ZNF529: variants seen among roughly 807,000 people sequenced by gnomAD.
ZNF529 encodes zinc finger protein 529.
A neutral mutation model predicts 10.1 loss-of-function variants in ZNF529; 11 were observed. The observed-to-expected ratio is 1.09, with a 90% confidence interval of 0.69 to 1.81. The LOEUF (loss-of-function observed/expected upper bound fraction) is 1.81. Among genes scored for constraint, ZNF529 ranks in the 40% most tolerant of loss-of-function variants. The probability of loss-of-function intolerance (pLI) is 0.00; values close to 1 mark genes in which losing one functional copy is unlikely to be tolerated. For missense variants in ZNF529, 624 were observed against 666.8 expected (o/e 0.94, Z 0.71); for synonymous variants, 204 against 215.7 (o/e 0.95, Z 0.47).
chr19:36,559,239 A>C (rs2035589578), intron 2 of ZNF529, among the ~76,000 whole-genome samples: 1 of 152,218 alleles, frequency 6.6e-6, no homozygotes, highest in African/African-American at 2.4e-5. Flanking sequence ...CAAAAACTTA[A>C]AAATAGGACA....
intron 2 of ZNF529, among the ~76,000 whole-genome samples, chr19:36,570,200 A>G (rs760062483): frequency 2.6e-5 from 4 of 151,954 alleles, no homozygotes; most frequent in Non-Finnish European, 5.9e-5. Flanking sequence ...ATCTATACAA[A>G]TAATACAAAA....
chr19:36,571,546 G>A (rs2036108660), intron 2 of ZNF529, among the ~76,000 whole-genome samples: 1 of 151,682 alleles, frequency 6.6e-6, no homozygotes, highest in Admixed American at 6.6e-5. Flanking sequence ...ATGGTGGCGG[G>A]CGCCTGTAAT....
rs187463934 is a variant in ZNF529 at position 36,553,382 on chromosome 19, C to T, written c.235+1288G>A. Among the ~76,000 whole-genome samples the T allele has an allele frequency of 1.9e-3, 296 of 152,106 alleles. 3 individuals are homozygous for T. The highest frequency in any genetic ancestry group is 6.9e-4 in the Non-Finnish European group (47 of 68,000). On this transcript the variant is annotated intron_variant, in intron 4 of 4. Transcript: ENST00000591340. ...GAACTCCTGAGCTCAGGCAATCCACCCACCACCTCGGCCTCCCAAAGTGCT... is the reference window on the plus strand; with the variant it reads ...GAACTCCTGAGCTCAGGCAATCCACTCACCACCTCGGCCTCCCAAAGTGCT...
chr19:36,576,720 A>G (rs1261768221), upstream of ZNF529, among the ~76,000 whole-genome samples: 3 of 150,016 alleles, frequency 2.0e-5, no homozygotes, highest in African/African-American at 7.4e-5. Context: ...CCGTCTCAAA[A>G]TAATAATAAT....
chr19:36,558,713 A>G (rs548888539), intron 2 of ZNF529, among the ~76,000 whole-genome samples: 6 of 152,274 alleles, frequency 3.9e-5, no homozygotes, highest in Admixed American at 3.3e-4. Flanking sequence ...AGCTCTTGAC[A>G]TTGGTCTTGC....
rs545026468 is a variant in ZNF529 at position 36,549,471 on chromosome 19, A to T, written c.236-1149T>A. On this transcript the variant is annotated intron_variant, in intron 4 of 4. Coordinates refer to ENST00000591340, the MANE Select transcript of ZNF529 (RefSeq NM_020951.5). Reference sequence around the variant, plus strand: ...GATAAGTCACTAGAAAACAATAATTATCAAAATAATTATGTAACTATAAGA... The same window carrying T: ...GATAAGTCACTAGAAAACAATAATTTTCAAAATAATTATGTAACTATAAGA... 1.6e-3 allele frequency among the ~76,000 whole-genome samples: 251 copies of T among 152,358 alleles called. 1 individual carries two copies. The highest frequency in any genetic ancestry group is 2.8e-3 in the Non-Finnish European group (189 of 68,026).
At chr19:36,597,857 T>C (rs1568621351) in intron 1 of ZNF529, among the ~76,000 whole-genome samples, 1 of 152,102 alleles carries the variant, frequency 6.6e-6, no homozygotes. Flanking sequence ...TAGGTAGATA[T>C]TAAAAGGAGA....
chr19:36,562,315 A>G lies in ZNF529; in HGVS notation c.15-6118T>C, dbSNP rs550295089. Among the ~76,000 whole-genome samples, 38 of 152,306 alleles carry G rather than the reference A, an allele frequency of 2.5e-4. No individual in the cohort carries two copies. The South Asian group carries it at 5.2e-3, about 21-fold the overall frequency. ...TTTCACAGGTACAGGACTAGAGAGC[A>G]ATTTGCCTCAGGATGAATCACATGA... On this transcript the variant is annotated intron_variant, in intron 2 of 4. Coordinates refer to ENST00000591340, the MANE Select transcript of ZNF529 (RefSeq NM_020951.5).
intron 1 of ZNF529, among the ~76,000 whole-genome samples, chr19:36,595,178 C>G (rs1452615664): frequency 1.3e-5 from 2 of 152,032 alleles, no homozygotes; most frequent in Non-Finnish European, 2.9e-5. Flanking sequence ...TGCCCGGCCT[C>G]CTATTTCTCA....
chr19:36,593,249 C>T (rs1398459551), intron 1 of ZNF529, among the ~76,000 whole-genome samples: 7 of 152,156 alleles, frequency 4.6e-5, no homozygotes, highest in African/African-American at 1.7e-4. Flanking sequence ...GATCACCGCT[C>T]ACTGCACCCT....
At position 36,548,282 on chromosome 19, in the gene ZNF529, TCC is replaced by T; in HGVS notation, c.274_275del (p.Gly92LysfsTer17). On this transcript the variant is annotated frameshift_variant, in exon 5 of 5. Coordinates refer to ENST00000591340, the MANE Select transcript of ZNF529 (RefSeq NM_020951.5). LOFTEE classifies it low-confidence loss of function (END_TRUNC). ...SRNETKHLSV[G>X]KDIIQNTGSQ... ...AACCAGTGTTTTGAATAATATCTTTTCCTACAGATAAATGCTTAGTCTCATTC... is the reference window on the plus strand; with the variant it reads ...AACCAGTGTTTTGAATAATATCTTTTTACAGATAAATGCTTAGTCTCATTC... 3.7e-6 allele frequency: 6 copies of T among 1,605,902 alleles called. No individual in the cohort carries two copies. The highest frequency in any genetic ancestry group is 5.1e-6 in the Non-Finnish European group (6 of 1,175,500).
upstream of ZNF529, among the ~76,000 whole-genome samples, chr19:36,575,843 T>C (rs1310753855): frequency 6.6e-6 from 1 of 152,000 alleles, no homozygotes; most frequent in Non-Finnish European, 1.5e-5. Flanking sequence ...GTTTTTTTTT[T>C]GTTTTGTTTT....
intron 2 of ZNF529, among the ~76,000 whole-genome samples, chr19:36,588,749 C>A (rs1190074689): frequency 6.6e-6 from 1 of 152,120 alleles, no homozygotes; most frequent in Non-Finnish European, 1.5e-5. Flanking sequence ...AGAAGAGAAA[C>A]TTTCTCTGAA....
intron 2 of ZNF529, among the ~76,000 whole-genome samples, chr19:36,557,560 C>A (rs1023823991): frequency 1.3e-5 from 2 of 152,162 alleles, no homozygotes; most frequent in South Asian, 2.1e-4. Flanking sequence ...GGGAAACCAC[C>A]CCCATGATTC....
chr19:36,600,292 G>A (rs2036903327), intron 1 of ZNF529, among the ~76,000 whole-genome samples: 1 of 152,068 alleles, frequency 6.6e-6, no homozygotes, highest in Non-Finnish European at 1.5e-5. Flanking sequence ...ATACTGTTTG[G>A]GCCACAGTGG....
chr19:36,592,842 A>C (rs1032239137), intron 1 of ZNF529, among the ~76,000 whole-genome samples: 1 of 152,148 alleles, frequency 6.6e-6, no homozygotes, highest in Non-Finnish European at 1.5e-5. Context: ...TATTAGTTGA[A>C]TAAAGGAGAA....
At chr19:36,573,638 C>T (rs1416845085), upstream of ZNF529, 4 of 379,598 alleles carry the variant, frequency 1.1e-5, no homozygotes, top group Admixed American at 5.9e-5. Context: ...TCTAGGTGGC[C>T]CCTGCCTCAC....
intron 1 of ZNF529, among the ~76,000 whole-genome samples, chr19:36,594,944 T>C (rs969858510): frequency 1.3e-5 from 2 of 151,522 alleles, no homozygotes; most frequent in African/African-American, 4.9e-5. Flanking sequence ...AGTGGCACAA[T>C]ATCGGCTCAC....
At position 36,544,826 on chromosome 19, in the gene ZNF529, A is replaced by G. The variant is rs2034951528; in HGVS notation, c.*2040T>C. 1 of 152,276 alleles carries G rather than the reference A, an allele frequency of 6.6e-6. No homozygotes were observed. The highest frequency in any genetic ancestry group is 2.4e-5 in the African/African-American group (1 of 41,468). The allele number at this position is 152,276 out of a possible 1,614,324, so 9.4% of individuals were successfully genotyped here. A position where few individuals can be genotyped will look rare whatever the true frequency, so the allele number is the denominator to read the frequency against. ...AATACTGGTAATCATTCACACCGTT[A>G]TAGAGTACATAAATTCTGGGAAAGA... On this transcript the variant is annotated 3_prime_UTR_variant, in exon 5 of 5. Coordinates refer to ENST00000591340, the MANE Select transcript of ZNF529 (RefSeq NM_020951.5).
Sources: allele counts gnomAD v4.1 joint callset (sites outside exome capture counted in the v4.1 genomes callset), GRCh38; gene constraint gnomAD v4.1.1; transcripts MANE v1.5; gene names NCBI Gene and HGNC (gene_info 2026-07-23, HGNC 2026-07-21).